The following ZNF474 variants were observed in gnomAD, a reference collection of about 807,000 sequenced individuals.
ZNF474 encodes zinc finger protein 474, also known as 4933409D10Rik.
For synonymous variants in ZNF474, 192 were observed against 162.2 expected (o/e 1.18, Z -1.39); for missense variants, 511 against 433.8 (o/e 1.18, Z -1.58).
chr5:122,131,954 G>A (rs577124432), intron 1 of ZNF474, among the ~76,000 whole-genome samples: 8 of 152,124 alleles, frequency 5.3e-5, no homozygotes, highest in East Asian at 1.9e-4. Flanking sequence ...CAACAAAGAC[G>A]TAAATATAAG....
intron 1 of ZNF474, among the ~76,000 whole-genome samples, chr5:122,143,283 C>G (rs192735859): frequency 1.3e-5 from 2 of 152,268 alleles, no homozygotes; most frequent in African/African-American, 2.4e-5. Flanking sequence ...CCTGGACACA[C>G]AGAAGTGACC....
At chr5:122,131,975 T>G (rs1216681261) in intron 1 of ZNF474, among the ~76,000 whole-genome samples, 1 of 152,086 alleles carries the variant, frequency 6.6e-6, no homozygotes, top group Non-Finnish European at 1.5e-5. Flanking sequence ...AAAACGTCCA[T>G]TAACCTTTGT....
chr5:122,147,152 G>T (rs2152606155), intron 1 of ZNF474, among the ~76,000 whole-genome samples: 1 of 152,316 alleles, frequency 6.6e-6, no homozygotes, highest in South Asian at 2.1e-4. Flanking sequence ...AGACGGACTG[G>T]TGAGCATACA....
rs1756238851 is a variant in ZNF474 at position 122,152,978 on chromosome 5, A to T, written c.988A>T (p.Thr330Ser). ...LGSKGGLKEY[T>S]NSKQQRNRAA... ...GAGTAAAGGAGGCCTAAAAGAGTAC[A>T]CTAATTCCAAGCAGCAAAGGAACAG... Residue 330 changes from threonine (T) to serine (S), a missense_variant, in exon 2 of 2, where the codon ACT (threonine) becomes TCT (serine). Physicochemically the swap from Thr to Ser is moderately conservative, Grantham distance 58 (BLOSUM62 1). Transcript: ENST00000296600. 6.2e-7 allele frequency: 1 copy of T among 1,613,902 alleles called. No individual in the cohort carries two copies. The highest frequency in any genetic ancestry group is 1.7e-5 in the Admixed American group (1 of 60,006).
chr5:122,151,705 A>ATTGTGTGTGTG (rs1554065527), intron 1 of ZNF474, 74 bp from the exon 2 acceptor site: 1 of 201,434 alleles, frequency 5.0e-6, no homozygotes, highest in African/African-American at 2.5e-5. Context: ...AACAACCTAA[A>ATTGTGTGTGTG]TGTGTGTGTG....
At chr5:122,147,380 GA>G (rs1177214517) in intron 1 of ZNF474, among the ~76,000 whole-genome samples, 112 of 152,286 alleles carry the variant, frequency 7.4e-4, no homozygotes, top group African/African-American at 2.6e-3. Flanking sequence ...CAAAGGGCTA[GA>G]TTTTTTTATA....
intron 1 of ZNF474, among the ~76,000 whole-genome samples, chr5:122,150,400 T>A (rs768280316): frequency 6.6e-6 from 1 of 152,222 alleles, no homozygotes; most frequent in Non-Finnish European, 1.5e-5. Context: ...CAGACCTTTG[T>A]TGGCACCAAA....
chr5:122,138,191 G>T (rs1443475706), intron 1 of ZNF474, among the ~76,000 whole-genome samples: 1 of 152,182 alleles, frequency 6.6e-6, no homozygotes, highest in Non-Finnish European at 1.5e-5. Flanking sequence ...ATAAGAAGAT[G>T]ATAGAATAGG....
At chr5:122,145,968 T>G (rs940996266) in intron 1 of ZNF474, among the ~76,000 whole-genome samples, 1 of 152,114 alleles carries the variant, frequency 6.6e-6, no homozygotes, top group Non-Finnish European at 1.5e-5. Flanking sequence ...TTGCATCTGG[T>G]GGGGAAGGGT....
At chr5:122,136,014 T>C (rs1016115849) in intron 1 of ZNF474, among the ~76,000 whole-genome samples, 17 of 151,944 alleles carry the variant, frequency 1.1e-4, no homozygotes, top group African/African-American at 3.6e-4. Context: ...AATGAATAAA[T>C]AGGGGTTGGT....
At chr5:122,143,114 C>G (rs1349820863) in intron 1 of ZNF474, among the ~76,000 whole-genome samples, 1 of 152,060 alleles carries the variant, frequency 6.6e-6, no homozygotes, top group African/African-American at 2.4e-5. Context: ...TGGAGGTGGA[C>G]AGAAATAAGG....
Position 122,153,107 on chromosome 5 carries a change from C to G in ZNF474, c.*22C>G. ...GTAGGGGAACAAGAGAAAACTATCCCCAGAATCAGCCACCTCAGCCCCTAG... is the reference window on the plus strand; with the variant it reads ...GTAGGGGAACAAGAGAAAACTATCCGCAGAATCAGCCACCTCAGCCCCTAG... On this transcript the variant is annotated 3_prime_UTR_variant, in exon 2 of 2. Transcript: ENST00000296600. 1.3e-6 allele frequency: 2 copies of G among 1,581,948 alleles called. No individual in the cohort carries two copies. The highest frequency in any genetic ancestry group is 1.7e-6 in the Non-Finnish European group (2 of 1,163,900).
At position 122,151,367 on chromosome 5, in the gene ZNF474, G is replaced by A. The variant is rs145762422; in HGVS notation, c.-212-412G>A. ...CTCTGACGTAGTGGAAGTTTCTGTG[G>A]GGCCCAGGGGGTCTTTTCGTATGAC... On this transcript the variant is annotated intron_variant, in intron 1 of 1. Coordinates refer to ENST00000296600, the MANE Select transcript of ZNF474 (RefSeq NM_207317.3). 2.2e-3 allele frequency among the ~76,000 whole-genome samples: 328 copies of A among 152,178 alleles called. 4 individuals carry two copies. The highest frequency in any genetic ancestry group is 7.6e-3 in the African/African-American group (315 of 41,496).
In ZNF474 at chr5:122,153,253, G is replaced by A; in HGVS notation, c.*168G>A. ...AGATATAAGAACATCCTTGCCTGAT[G>A]GGTTCATATTCCTCTTCAATTCTGC... is the stretch of plus-strand genomic sequence containing the variant. On this transcript the variant is annotated 3_prime_UTR_variant, in exon 2 of 2. Coordinates refer to ENST00000296600, the MANE Select transcript of ZNF474 (RefSeq NM_207317.3). 2.6e-6 allele frequency: 2 copies of A among 756,810 alleles called. No individual in the cohort carries two copies. The highest frequency in any genetic ancestry group is 2.5e-5 in the South Asian group (1 of 39,818). 46.9% of individuals were successfully genotyped at this position (756,810 alleles called of 1,614,324 possible).
At position 122,142,722 on chromosome 5, in the gene ZNF474, C is replaced by T. The variant is rs1312865415; in HGVS notation, c.-212-9057C>T. On this transcript the variant is annotated intron_variant, in intron 1 of 1. Coordinates refer to ENST00000296600, the MANE Select transcript of ZNF474 (RefSeq NM_207317.3). ...AGAGAGTCTTGTTGCCATGATTCAG[C>T]GATGTCAAATGGTATGACAATCATA... Among the ~76,000 whole-genome samples, 4 of 152,062 alleles carry T rather than the reference C, an allele frequency of 2.6e-5. No homozygotes were observed. The South Asian group carries it at 6.2e-4, about 24-fold the overall frequency.
intron 1 of ZNF474, among the ~76,000 whole-genome samples, chr5:122,150,603 C>G (rs1418931282): frequency 6.6e-6 from 1 of 152,084 alleles, no homozygotes; most frequent in African/African-American, 2.4e-5. Context: ...AGTTTATCAC[C>G]CTGATAAATG....
chr5:122,134,359 T>G (rs1269611381), intron 1 of ZNF474, among the ~76,000 whole-genome samples: 3 of 152,200 alleles, frequency 2.0e-5, no homozygotes, highest in Non-Finnish European at 4.4e-5. Flanking sequence ...CAGACAGCAC[T>G]TAGTAGGATT....
At chr5:122,144,879 T>C (rs2152605669) in intron 1 of ZNF474, among the ~76,000 whole-genome samples, 2 of 152,322 alleles carry the variant, frequency 1.3e-5, no homozygotes, top group East Asian at 1.9e-4. Context: ...TATATGATCA[T>C]ACCTGTGTGG....
At chr5:122,129,958 G>C (rs989438226) in intron 1 of ZNF474, among the ~76,000 whole-genome samples, 1 of 152,118 alleles carries the variant, frequency 6.6e-6, no homozygotes, top group African/African-American at 2.4e-5. Flanking sequence ...TGCTGACAAT[G>C]ATGAGTGAAC....
Sources: allele counts gnomAD v4.1 joint callset (sites outside exome capture counted in the v4.1 genomes callset), GRCh38; gene constraint gnomAD v4.1.1; transcripts MANE v1.5; gene names NCBI Gene and HGNC (gene_info 2026-07-23, HGNC 2026-07-21).